ATXN7L1: variants seen among roughly 807,000 people sequenced by gnomAD.
ATXN7L1 encodes the protein ataxin-7-like protein 1.
ATXN7L1 carries 15 observed loss-of-function variants against 70.8 expected under a neutral mutation model. The ratio of observed to expected loss-of-function variants is 0.21; its 90% CI spans 0.14 to 0.33. The LOEUF (loss-of-function observed/expected upper bound fraction) is 0.33, where lower values mean the gene tolerates loss of function less well. ATXN7L1 is among the 10% of genes least tolerant of loss of function. The pLI is 1.00. For missense variants in ATXN7L1, 975 were observed against 1,097.1 expected, an observed-to-expected ratio of 0.89 and a Z score of 1.57; for synonymous variants, 440 against 445.1, an observed-to-expected ratio of 0.99 and a Z score of 0.14.
At chr7:105,752,222 A>T (rs1463772182) in intron 3 of ATXN7L1, among the ~76,000 whole-genome samples, 1 of 152,062 alleles carries the variant, frequency 6.6e-6, no homozygotes, top group Admixed American at 6.5e-5. Context: ...GTTGCCTTTG[A>T]CCTCGATGGT....
At chr7:105,641,423 A>C (rs1409231088) in intron 5 of ATXN7L1, among the ~76,000 whole-genome samples, 1 of 151,638 alleles carries the variant, frequency 6.6e-6, no homozygotes, top group Non-Finnish European at 1.5e-5. Flanking sequence ...GGCTGAGGGT[A>C]GGAGCTGGCT....
chr7:105,705,671 G>A (rs562850), intron 3 of ATXN7L1, among the ~76,000 whole-genome samples: 40,200 of 152,024 alleles, frequency 0.26, 6,354 homozygotes, highest in African/African-American at 0.44. Flanking sequence ...TTTGTTTCAC[G>A]CCTCTGTGGC....
chr7:105,747,913 A>G (rs576005770), intron 3 of ATXN7L1, among the ~76,000 whole-genome samples: 4 of 152,094 alleles, frequency 2.6e-5, no homozygotes, highest in African/African-American at 9.7e-5. Context: ...TGAGGTCAGG[A>G]GTTCAAGACC....
intron 10 of ATXN7L1, among the ~76,000 whole-genome samples, chr7:105,612,559 G>A (rs967321621): frequency 2.6e-5 from 4 of 152,096 alleles, no homozygotes; most frequent in African/African-American, 4.8e-5. Context: ...GGGACCTGGC[G>A]GTGGCACCCA....
In ATXN7L1 at chr7:105,613,850, G is replaced by A. The variant is rs747820981; in HGVS notation, c.2472+12C>T. On this transcript the variant is annotated intron_variant, in intron 10 of 11. Transcript: ENST00000419735. ...CCAGAGCCGGTGAAGGCGGTGCCAG[G>A]AGGTCCCTTACCTGCCGAGAGGAGG... The A allele has an allele frequency of 2.6e-6, 4 of 1,551,738 alleles. No individual in the cohort carries two copies. In the African/African-American group the frequency reaches 4.1e-5, roughly 16 times the overall value.
intron 2 of ATXN7L1, among the ~76,000 whole-genome samples, chr7:105,805,282 G>A (rs1437331960): frequency 6.6e-6 from 1 of 152,186 alleles, no homozygotes; most frequent in Non-Finnish European, 1.5e-5. Context: ...GGGGGCAGGC[G>A]AGAACTTGCC....
intron 4 of ATXN7L1, among the ~76,000 whole-genome samples, chr7:105,653,819 G>A (rs1584532188): frequency 6.6e-6 from 1 of 151,612 alleles, no homozygotes; most frequent in African/African-American, 2.4e-5. Flanking sequence ...CCAGTGCTCC[G>A]GCCTGGCTCT....
intron 4 of ATXN7L1, among the ~76,000 whole-genome samples, chr7:105,656,088 T>A (rs1406808988): frequency 2.6e-5 from 4 of 152,234 alleles, no homozygotes; most frequent in African/African-American, 9.6e-5. Context: ...CTCTGCCTCC[T>A]GCCCACCTCA....
intron 3 of ATXN7L1, among the ~76,000 whole-genome samples, chr7:105,690,904 TG>T (rs1252120315): frequency 7.9e-5 from 12 of 152,192 alleles, no homozygotes; most frequent in African/African-American, 2.7e-4. Context: ...TACTCAAACA[TG>T]CACACGGGCC....
intron 2 of ATXN7L1, among the ~76,000 whole-genome samples, chr7:105,840,796 A>T (rs1328315220): frequency 6.6e-6 from 1 of 152,048 alleles, no homozygotes. Context: ...CGGTGAGCAC[A>T]CTCTTCCAGG....
At chr7:105,809,767 A>G (rs978725225) in intron 2 of ATXN7L1, among the ~76,000 whole-genome samples, 16 of 144,268 alleles carry the variant, frequency 1.1e-4, no homozygotes, top group Admixed American at 1.1e-3. Context: ...AAGTGGCTCC[A>G]GACTCCTTTT....
chr7:105,810,422 A>G (rs1294214016), intron 2 of ATXN7L1, among the ~76,000 whole-genome samples: 1 of 152,222 alleles, frequency 6.6e-6, no homozygotes, highest in African/African-American at 2.4e-5. Flanking sequence ...AGTATTCCCA[A>G]TAATGTCTGC....
intron 11 of ATXN7L1, among the ~76,000 whole-genome samples, chr7:105,608,304 GGA>G (rs747280538): frequency 6.6e-6 from 1 of 152,220 alleles, no homozygotes; most frequent in Non-Finnish European, 1.5e-5. Context: ...CAGAGGCTCT[GGA>G]GAGAGAGATT....
chr7:105,734,280 CTCAG>C (rs1306440911), intron 3 of ATXN7L1, among the ~76,000 whole-genome samples: 2 of 152,198 alleles, frequency 1.3e-5, no homozygotes, highest in African/African-American at 4.8e-5. Context: ...ATAAGGGATT[CTCAG>C]TCAGTAAATG....
At chr7:105,795,646 G>T (rs570557289) in intron 2 of ATXN7L1, among the ~76,000 whole-genome samples, 1 of 152,314 alleles carries the variant, frequency 6.6e-6, no homozygotes, top group South Asian at 2.1e-4. Flanking sequence ...AGGAATTCCA[G>T]GTGAAGCACC....
chr7:105,717,475 T>G (rs998516308), intron 3 of ATXN7L1, among the ~76,000 whole-genome samples: 2 of 152,244 alleles, frequency 1.3e-5, no homozygotes, highest in African/African-American at 4.8e-5. Context: ...TAGCCTATAT[T>G]GTTTGTTATT....
rs757251835 is a variant in ATXN7L1 at position 105,759,481 on chromosome 7, TG to T, written c.355+29122del. The stretch of plus-strand genomic sequence containing the variant: ...GTGTGTGTGTGTGTGTGTGTGTGTG[TG>T]TGTGTGTGTATGTCAGAGTGACCTA... On this transcript the variant is annotated intron_variant, in intron 3 of 11. Coordinates refer to ENST00000419735, the MANE Select transcript of ATXN7L1 (RefSeq NM_020725.2). 5.0e-3 allele frequency among the ~76,000 whole-genome samples: 625 copies of T among 124,984 alleles called. 18 individuals are homozygous for T. The highest frequency in any genetic ancestry group is 0.029 in the Admixed American group (367 of 12,550). The allele number at this position is 124,984 out of a possible 152,430, so 82.0% of individuals were successfully genotyped here.
Position 105,875,795 on chromosome 7 carries a change from C to A in ATXN7L1, c.250+17G>T, listed in dbSNP as rs1226518394. The A allele has an allele frequency of 6.2e-7, 1 of 1,604,500 alleles. No individual in the cohort carries two copies. The highest frequency in any genetic ancestry group is 8.5e-7 in the Non-Finnish European group (1 of 1,171,584). On this transcript the variant is annotated intron_variant, in intron 2 of 11. Transcript: ENST00000419735. ...TGCCACACATGCTAACACTAAAATG[C>A]CAGTAGCTCCACTTACCTTCTTTAT...
chr7:105,614,099 G>C lies in ATXN7L1; in HGVS notation c.2235C>G (p.Leu745=). Residue 745 remains leucine (L), a synonymous_variant, in exon 10 of 12, where the codon CTC becomes CTG. Coordinates refer to ENST00000419735, the MANE Select transcript of ATXN7L1 (RefSeq NM_020725.2). This position sits in a 1 kb window ranked among gnomAD's most constrained non-coding sequence, Gnocchi z 4.3. ...CGTGGAGCGCAAGGGAGGGCACAGA[G>C]AGGGGACAGGAGTCACTGCTGCCTC... ...AVGGSSDSCP[L]SVPSLALHAG... is the part of the protein sequence containing the mutation. 6.4e-7 allele frequency: 1 copy of C among 1,551,702 alleles called. No individual in the cohort carries two copies. The highest frequency in any genetic ancestry group is 2.0e-5 in the Admixed American group (1 of 51,010).
Sources: gnomAD v4.1 joint callset for allele counts (sites outside exome capture counted in the v4.1 genomes callset) on GRCh38, gnomAD v4.1.1 for gene constraint, Gnocchi (gnomAD v3.1) non-coding constraint, MANE v1.5 for transcripts, NCBI Gene and HGNC (gene_info 2026-07-23, HGNC 2026-07-21) for gene names.